The following TRPM2 variants were observed in gnomAD, a reference collection of about 807,000 sequenced individuals.
TRPM2 encodes transient receptor potential cation channel subfamily M member 2.
TRPM2 carries 161 observed loss-of-function variants against 174.0 expected under a neutral mutation model. The observed-to-expected ratio is 0.93, with a 90% CI of 0.81 to 1.05. The LOEUF (loss-of-function observed/expected upper bound fraction) is 1.05, where lower values mean the gene tolerates loss of function less well. TRPM2 is among the 50% of genes least tolerant of loss of function. The probability of loss-of-function intolerance (pLI) is 0.00; values close to 1 mark genes in which losing one functional copy is unlikely to be tolerated. For synonymous variants in TRPM2, 954 were observed against 861.3 expected (o/e 1.11, Z -1.88); for missense variants, 2,057 against 2,038.0 (o/e 1.01, Z -0.18).
Position 44,438,768 on chromosome 21 carries a change from C to T in TRPM2, c.4168-299C>T, listed in dbSNP as rs1237758715. Reference sequence around the variant, plus strand: ...GCGCCAGGGGAGCGGGAAGGGGGTGCCCTGTCACCCTTGGGGAGTCTGAGC... The same window carrying T: ...GCGCCAGGGGAGCGGGAAGGGGGTGTCCTGTCACCCTTGGGGAGTCTGAGC... On this transcript the variant is annotated intron_variant, in intron 29 of 31. Coordinates refer to ENST00000397928, the MANE Select transcript of TRPM2 (RefSeq NM_003307.4). This position sits in a 1 kb window ranked among gnomAD's most constrained non-coding sequence, Gnocchi z 5.9. 6.6e-6 allele frequency among the ~76,000 whole-genome samples: 1 copy of T among 152,120 alleles called. No individual in the cohort carries two copies. Among genetic ancestry groups the T allele is most frequent in the Non-Finnish European group, 1.5e-5 (1 of 67,982 alleles).
rs1212524299 is a variant in TRPM2, at chr21:44,391,192, C to T, written c.1441-80C>T. 4 of 1,532,258 alleles carry T rather than the reference C, an allele frequency of 2.6e-6. No individual in the cohort carries two copies. The East Asian group carries it at 6.8e-5, about 26-fold the overall frequency. 94.9% of individuals were successfully genotyped at this position (1,532,258 alleles called of 1,614,324 possible). ...CCCAGGTTGGGGACAACAGCAGCCC[C>T]CATCTCCAGGGTCTTTGAGATCAGG... On this transcript the variant is annotated intron_variant, in intron 10 of 31. Coordinates refer to ENST00000397928, the MANE Select transcript of TRPM2 (RefSeq NM_003307.4). The surrounding 1 kb of genome is among the most constrained non-coding windows in gnomAD (Gnocchi z 5.0).
chr21:44,374,405 G>A (rs2146188764), intron 5 of TRPM2, among the ~76,000 whole-genome samples: 1 of 152,238 alleles, frequency 6.6e-6, no homozygotes, highest in East Asian at 1.9e-4. Context: ...GGGGCGGGGT[G>A]GTAAGCGGTT....
chr21:44,397,163 T>C (rs2049455002), intron 12 of TRPM2, among the ~76,000 whole-genome samples: 1 of 151,758 alleles, frequency 6.6e-6, no homozygotes, highest in Non-Finnish European at 1.5e-5. Context: ...CTCAGCCTCC[T>C]GAGTAACTAG....
At chr21:44,395,897 A>G (rs376337169) in intron 12 of TRPM2, among the ~76,000 whole-genome samples, 17 of 3,198 alleles carry the variant, frequency 5.3e-3, no homozygotes, top group East Asian at 9.1e-3. Flanking sequence ...GGGTGTGGAG[A>G]CTGTGGAGGG....
In TRPM2 at chr21:44,391,654, G is replaced by A; in HGVS notation, c.1794+29G>A. On this transcript the variant is annotated intron_variant, in intron 11 of 31. Transcript: ENST00000397928. This position sits in a 1 kb window ranked among gnomAD's most constrained non-coding sequence, Gnocchi z 5.0. ...CGTGCTGGTAACGGGGCCCATCCTG[G>A]ACTCGTCTTCGCGGGCTACTGCTAT... The A allele has an allele frequency of 1.3e-6, 2 of 1,530,408 alleles. No homozygotes were observed. The highest frequency in any genetic ancestry group is 2.5e-5 in the South Asian group (2 of 81,560). The allele number at this position is 1,530,408 out of a possible 1,614,324, so 94.8% of individuals were successfully genotyped here. A position where few individuals can be genotyped will look rare whatever the true frequency, so the allele number is the denominator to read the frequency against.
intron 31 of TRPM2, among the ~76,000 whole-genome samples, chr21:44,441,299 A>G (rs969951574): frequency 2.0e-5 from 3 of 152,140 alleles, no homozygotes; most frequent in Non-Finnish European, 2.9e-5. Flanking sequence ...GGCCTCGAAG[A>G]TGGCATCCAG....
Position 44,391,213 on chromosome 21 carries a change from T to C in TRPM2, c.1441-59T>C, listed in dbSNP as rs537153852. On this transcript the variant is annotated intron_variant, in intron 10 of 31. Coordinates refer to ENST00000397928, the MANE Select transcript of TRPM2 (RefSeq NM_003307.4). The surrounding 1 kb of genome is among the most constrained non-coding windows in gnomAD (Gnocchi z 5.0). ...GCCCCCATCTCCAGGGTCTTTGAGA[T>C]CAGGATGACATGGGGTGATGACCAA... 3.4e-5 allele frequency: 53 copies of C among 1,556,264 alleles called. No individual in the cohort carries two copies. The South Asian group carries it at 6.1e-4, about 18-fold the overall frequency.
chr21:44,356,587 A>G (rs1029867332), intron 2 of TRPM2, among the ~76,000 whole-genome samples: 6 of 147,188 alleles, frequency 4.1e-5, no homozygotes, highest in Non-Finnish European at 5.9e-5. Context: ...GCTGGAGTGC[A>G]ATGGCATGAT....
At chr21:44,436,510 C>T (rs1263250731) in intron 28 of TRPM2, among the ~76,000 whole-genome samples, 3 of 147,674 alleles carry the variant, frequency 2.0e-5, no homozygotes, top group Non-Finnish European at 4.5e-5. Context: ...CCCACGTCAC[C>T]CCCGGGCTGC....
intron 15 of TRPM2, among the ~76,000 whole-genome samples, chr21:44,400,837 C>A (rs1216803816): frequency 1.3e-5 from 2 of 152,322 alleles, no homozygotes; most frequent in South Asian, 2.1e-4. Context: ...TGGTTGAAGA[C>A]CTGGCCTGGC....
chr21:44,415,044 C>T (rs954760935), intron 20 of TRPM2: 1 of 152,344 alleles, frequency 6.6e-6, no homozygotes, highest in Non-Finnish European at 1.5e-5. Flanking sequence ...CCGTGTGCCT[C>T]AGACGGCGCT....
At position 44,441,913 on chromosome 21, in the gene TRPM2, T is replaced by C. The variant is rs1430863679; in HGVS notation, c.*96T>C. Reference sequence around the variant, plus strand: ...GCCTGGCCAGGACTCAGGCTGTTCCTGGGCCCTGCACATGATGGGGTTTGG... The same window carrying C: ...GCCTGGCCAGGACTCAGGCTGTTCCCGGGCCCTGCACATGATGGGGTTTGG... On this transcript the variant is annotated 3_prime_UTR_variant, in exon 32 of 32. Coordinates refer to ENST00000397928, the MANE Select transcript of TRPM2 (RefSeq NM_003307.4). 6.9e-7 allele frequency: 1 copy of C among 1,445,732 alleles called. No homozygotes were observed. Among genetic ancestry groups the C allele is most frequent in the Non-Finnish European group, 9.1e-7 (1 of 1,098,628 alleles). 89.6% of individuals were successfully genotyped at this position (1,445,732 alleles called of 1,614,324 possible).
Position 44,413,926 on chromosome 21 carries a change from G to A in TRPM2, c.2998G>A (p.Gly1000Ser). Residue 1000 changes from glycine (G) to serine (S), a missense_variant, in exon 20 of 32, where the codon GGC becomes AGC. Coordinates refer to ENST00000397928, the MANE Select transcript of TRPM2 (RefSeq NM_003307.4). ...NFNPEHCSPN[G>S]TDPYKPKCPE... The stretch of plus-strand genomic sequence containing the variant: ...CAACCCGGAGCACTGCAGCCCCAAT[G>A]GCACCGACCCCTACAAGCCTAAGTG... The A allele has an allele frequency of 6.2e-7, 1 of 1,613,872 alleles. No individual in the cohort carries two copies. The highest frequency in any genetic ancestry group is 1.1e-5 in the South Asian group (1 of 91,078).
chr21:44,375,096 A>G (rs1452221227), intron 5 of TRPM2, among the ~76,000 whole-genome samples: 1 of 152,082 alleles, frequency 6.6e-6, no homozygotes, highest in Admixed American at 6.5e-5. Flanking sequence ...ATTTTTGTAG[A>G]CATGAGATCC....
chr21:44,360,438 A>T (rs2048178322), intron 2 of TRPM2, among the ~76,000 whole-genome samples: 1 of 152,156 alleles, frequency 6.6e-6, no homozygotes, highest in Non-Finnish European at 1.5e-5. Context: ...ATAATTACAG[A>T]TGTACAGAAG....
rs1213576809 is a variant in TRPM2, at chr21:44,441,858, C to T, written c.*41C>T. On this transcript the variant is annotated 3_prime_UTR_variant, in exon 32 of 32. Coordinates refer to ENST00000397928, the MANE Select transcript of TRPM2 (RefSeq NM_003307.4). ...GGGCGGCTCCAGTCCATAGACGTTC[C>T]CCCCAGAAACCAGGGCTTCTCTCTC... The T allele has an allele frequency of 6.5e-7, 1 of 1,548,382 alleles. No individual in the cohort carries two copies. Among genetic ancestry groups the T allele is most frequent in the Non-Finnish European group, 8.7e-7 (1 of 1,144,308 alleles).
At chr21:44,405,003 G>C (rs971455865) in intron 16 of TRPM2, 139 bp from the exon 17 acceptor site, 1 of 778,440 alleles carries the variant, frequency 1.3e-6, no homozygotes, top group Non-Finnish European at 2.2e-6. Context: ...TGACAGCAAG[G>C]GTAGTGATGA....
chr21:44,404,897 T>C (rs377372918), intron 16 of TRPM2, among the ~76,000 whole-genome samples: 2 of 123,442 alleles, frequency 1.6e-5, no homozygotes, highest in African/African-American at 2.6e-5. Flanking sequence ...GATATGACAG[T>C]GATGGTGACA....
rs913330606 is a variant in TRPM2, at chr21:44,376,378, C to T, written c.952+365C>T. 1.3e-5 allele frequency among the ~76,000 whole-genome samples: 2 copies of T among 152,174 alleles called. No homozygotes were observed. Among genetic ancestry groups the T allele is most frequent in the African/African-American group, 4.8e-5 (2 of 41,428 alleles). On this transcript the variant is annotated intron_variant, in intron 6 of 31. Coordinates refer to ENST00000397928, the MANE Select transcript of TRPM2 (RefSeq NM_003307.4). The surrounding 1 kb of genome is among the most constrained non-coding windows in gnomAD (Gnocchi z 4.2). ...GGCGGTCTGGGGGGCTGGCAGCTCA[C>T]CTGTGTGCTCGCAGGTAATGGGCCA...
Sources: gnomAD v4.1 joint callset for allele counts (sites outside exome capture counted in the v4.1 genomes callset) on GRCh38, gnomAD v4.1.1 for gene constraint, Gnocchi (gnomAD v3.1) non-coding constraint, MANE v1.5 for transcripts, NCBI Gene and HGNC (gene_info 2026-07-23, HGNC 2026-07-21) for gene names.